The following STPG2 variants were observed in gnomAD, a reference collection of about 807,000 sequenced individuals.
The protein encoded by STPG2 is sperm-tail PG-rich repeat-containing protein 2.
In STPG2, 56 loss-of-function variants were observed where a neutral mutation model predicts 54.2. The ratio of observed to expected loss-of-function variants is 1.03; its 90% CI spans 0.83 to 1.29. The LOEUF is 1.29. Ranked by LOEUF, STPG2 falls within the 50% of genes most tolerant of loss-of-function variation. The probability of loss-of-function intolerance (pLI) is 0.00; values close to 1 mark genes in which losing one functional copy is unlikely to be tolerated. For missense variants in STPG2, 596 were observed against 544.9 expected (o/e 1.09, Z -0.93); for synonymous variants, 200 against 181.8 (o/e 1.10, Z -0.81).
At chr4:97,739,410 T>G (rs1250840667) in intron 9 of STPG2, among the ~76,000 whole-genome samples, 1 of 152,040 alleles carries the variant, frequency 6.6e-6, no homozygotes, top group African/African-American at 2.4e-5. Flanking sequence ...CTTCAAAAAA[T>G]TAATGAATCC....
chr4:98,037,589 G>T (rs1274437459), intron 5 of STPG2, among the ~76,000 whole-genome samples: 1 of 151,640 alleles, frequency 6.6e-6, no homozygotes, highest in Non-Finnish European at 1.5e-5. Context: ...TGGATGTAAT[G>T]AAAGGAAAAA....
intron 8 of STPG2, among the ~76,000 whole-genome samples, chr4:97,863,541 C>T (rs1052652265): frequency 2.0e-5 from 3 of 152,130 alleles, no homozygotes; most frequent in African/African-American, 4.8e-5. Flanking sequence ...TGGTACCATT[C>T]CTTCTGAAAT....
intron 10 of STPG2, among the ~76,000 whole-genome samples, chr4:97,663,403 C>T (rs78286408): frequency 0.038 from 5,727 of 152,200 alleles, 143 homozygotes; most frequent in Non-Finnish European, 0.052. Flanking sequence ...GCAATCATTA[C>T]TTCAATTCAG....
intron 10 of STPG2, among the ~76,000 whole-genome samples, chr4:97,620,133 T>C (rs1414408988): frequency 1.3e-5 from 2 of 152,182 alleles, no homozygotes; most frequent in African/African-American, 4.8e-5. Context: ...CACATTATTA[T>C]AATTTCTTAT....
intron 7 of STPG2, among the ~76,000 whole-genome samples, chr4:97,952,161 G>A (rs1318609918): frequency 2.6e-5 from 4 of 152,126 alleles, no homozygotes; most frequent in Non-Finnish European, 4.4e-5. Context: ...GAACCTGAAA[G>A]GTGCATCCTC....
chr4:97,602,303 C>G (rs899802932), intron 10 of STPG2, among the ~76,000 whole-genome samples: 2 of 151,714 alleles, frequency 1.3e-5, no homozygotes, highest in Non-Finnish European at 3.0e-5. Flanking sequence ...ATCTAAAATG[C>G]ATCTGATGAC....
intron 10 of STPG2, among the ~76,000 whole-genome samples, chr4:97,614,943 G>A (rs1481766134): frequency 6.6e-6 from 1 of 152,100 alleles, no homozygotes; most frequent in Non-Finnish European, 1.5e-5. Context: ...TACAAATAAG[G>A]TGAACTTTTT....
intron 9 of STPG2, among the ~76,000 whole-genome samples, chr4:97,786,270 ATAT>A (rs962077571): frequency 6.6e-6 from 1 of 151,114 alleles, no homozygotes; most frequent in African/African-American, 2.4e-5. Flanking sequence ...CATTTTAATA[ATAT>A]TATGCTTTCC....
intron 3 of STPG2, among the ~76,000 whole-genome samples, chr4:98,115,937 T>C (rs1739508408): frequency 6.6e-6 from 1 of 151,704 alleles, no homozygotes; most frequent in East Asian, 1.9e-4. Context: ...TTGAATATTA[T>C]GAACTATGTC....
intron 8 of STPG2, among the ~76,000 whole-genome samples, chr4:97,941,614 T>C (rs1578714303): frequency 6.6e-6 from 1 of 152,094 alleles, no homozygotes. Flanking sequence ...ATATTTTTTA[T>C]GCAAAGATAC....
intron 9 of STPG2, among the ~76,000 whole-genome samples, chr4:97,804,166 A>T (rs1727481780): frequency 6.6e-6 from 1 of 152,168 alleles, no homozygotes; most frequent in African/African-American, 2.4e-5. Flanking sequence ...TCATAATATA[A>T]TGTTATACCT....
intron 1 of STPG2, among the ~76,000 whole-genome samples, chr4:98,135,251 T>C (rs1740105927): frequency 6.6e-6 from 1 of 151,806 alleles, no homozygotes. Context: ...TGTAAGAATG[T>C]ATGGTGATAA....
intron 5 of STPG2, among the ~76,000 whole-genome samples, chr4:98,018,167 C>T (rs563617856): frequency 2.0e-5 from 3 of 152,010 alleles, no homozygotes; most frequent in Non-Finnish European, 4.4e-5. Flanking sequence ...ATCCCTCCCC[C>T]CATCCCCACC....
Position 97,722,964 on chromosome 4 carries a change from ATTTTTTT to A in STPG2, c.1205-10157_1205-10151del, listed in dbSNP as rs3974903. On this transcript the variant is annotated intron_variant, in intron 9 of 10. Coordinates refer to ENST00000295268, the MANE Select transcript of STPG2 (RefSeq NM_174952.3). ...AGGTGCCCACCACCACACCCGGCTA[ATTTTTTT>A]TTTTTTTTTTTTTTGTATTTTTAGT... Among the ~76,000 whole-genome samples the A allele has an allele frequency of 1.0e-3, 118 of 116,338 alleles. 1 individual carries two copies. In the Admixed American group the frequency reaches 0.011, roughly 11 times the overall value. The allele number at this position is 116,338 out of a possible 152,430, so 76.3% of individuals were successfully genotyped here. A position where few individuals can be genotyped will look rare whatever the true frequency, so the allele number is the denominator to read the frequency against.
chr4:97,615,869 C>G (rs1733848206), intron 10 of STPG2, among the ~76,000 whole-genome samples: 1 of 150,360 alleles, frequency 6.7e-6, no homozygotes, highest in Admixed American at 6.7e-5. Flanking sequence ...AACCCGATCT[C>G]TACTGAAAAT....
At chr4:97,846,635 A>G (rs925508994) in intron 8 of STPG2, among the ~76,000 whole-genome samples, 10 of 151,380 alleles carry the variant, frequency 6.6e-5, no homozygotes, top group African/African-American at 2.4e-4. Flanking sequence ...AAAAAAAAAA[A>G]AAAAAAAAAA....
chr4:97,444,108 A>C (rs1450674393), intron 4 of STPG2, among the ~76,000 whole-genome samples: 2 of 152,158 alleles, frequency 1.3e-5, no homozygotes, highest in Admixed American at 6.5e-5. Context: ...AAATATACAG[A>C]CTGAAGTTCA....
At position 97,607,653 on chromosome 4, in the gene STPG2, T is replaced by C. The variant is rs373375369; in HGVS notation, c.1321-48536A>G. Among the ~76,000 whole-genome samples, 14 of 152,172 alleles carry C rather than the reference T, an allele frequency of 9.2e-5. No individual in the cohort carries two copies. In the East Asian group the frequency reaches 2.7e-3, roughly 29 times the overall value. On this transcript the variant is annotated intron_variant, in intron 10 of 10. Transcript: ENST00000295268. ...CCTAGATAGGATATTGGGATTGGCATGTACTGCCAGACCTTGAAGACTAGA... is the reference window on the plus strand; with the variant it reads ...CCTAGATAGGATATTGGGATTGGCACGTACTGCCAGACCTTGAAGACTAGA...
intron 9 of STPG2, among the ~76,000 whole-genome samples, chr4:97,784,503 A>G (rs1441917273): frequency 6.6e-6 from 1 of 152,102 alleles, no homozygotes. Flanking sequence ...ACACCAAGAT[A>G]CAGTGCCAAA....
Sources: allele counts gnomAD v4.1 joint callset (sites outside exome capture counted in the v4.1 genomes callset), GRCh38; gene constraint gnomAD v4.1.1; transcripts MANE v1.5; gene names NCBI Gene and HGNC (gene_info 2026-07-23, HGNC 2026-07-21).